CDH13: variants seen among roughly 807,000 people sequenced by gnomAD.
CDH13 encodes the protein cadherin-13.
Under a neutral mutation model 63.8 loss-of-function variants are expected in CDH13, and 24 were observed. The ratio of observed to expected loss-of-function variants is 0.38; its 90% CI spans 0.27 to 0.53. The LOEUF is 0.53. CDH13 is among the 20% of genes least tolerant of loss of function. The pLI is 0.85. For synonymous variants in CDH13, 503 were observed against 355.3 expected, an observed-to-expected ratio of 1.42 and a Z score of -4.67; for missense variants, 1,049 against 903.1, an observed-to-expected ratio of 1.16 and a Z score of -2.07.
intron 5 of CDH13, among the ~76,000 whole-genome samples, chr16:83,264,615 CT>C (rs1314978051): frequency 6.6e-6 from 1 of 151,328 alleles, no homozygotes; most frequent in Non-Finnish European, 1.5e-5. Context: ...AATGCAATAA[CT>C]TTTAAGGTTC....
chr16:82,854,029 G>A (rs1476605760), intron 1 of CDH13, among the ~76,000 whole-genome samples: 3 of 152,234 alleles, frequency 2.0e-5, no homozygotes, highest in African/African-American at 7.2e-5. Context: ...CCTTACCAAA[G>A]TTACTGTGAA....
intron 6 of CDH13, among the ~76,000 whole-genome samples, chr16:83,380,428 A>C (rs1166945922): frequency 6.6e-6 from 1 of 152,130 alleles, no homozygotes; most frequent in East Asian, 1.9e-4. Flanking sequence ...GCTATTTTTT[A>C]TTTGAAGATA....
chr16:83,647,468 T>C (rs1447142872), intron 8 of CDH13, among the ~76,000 whole-genome samples: 2 of 152,206 alleles, frequency 1.3e-5, no homozygotes, highest in African/African-American at 4.8e-5. Flanking sequence ...GCAATGATGC[T>C]AGATGTTGGC....
intron 1 of CDH13, among the ~76,000 whole-genome samples, chr16:82,811,711 T>C (rs559025785): frequency 6.6e-6 from 1 of 152,002 alleles, no homozygotes; most frequent in Admixed American, 6.6e-5. Context: ...TGTATTCCAG[T>C]GAGGAGATGG....
intron 1 of CDH13, among the ~76,000 whole-genome samples, chr16:82,836,295 C>T (rs1184399290): frequency 1.3e-5 from 2 of 151,990 alleles, no homozygotes; most frequent in African/African-American, 4.8e-5. Flanking sequence ...ATTACAGGTG[C>T]CCACCACCAC....
chr16:83,014,756 A>ATATATATATATATATATG (rs1914539221), intron 2 of CDH13, among the ~76,000 whole-genome samples: 1 of 46,222 alleles, frequency 2.2e-5, no homozygotes, highest in Non-Finnish European at 4.5e-5. Flanking sequence ...ATATATATAT[A>ATATATATATATATATATG]TATATATATA....
At chr16:82,985,984 A>G (rs1046210602) in intron 2 of CDH13, among the ~76,000 whole-genome samples, 2 of 152,146 alleles carry the variant, frequency 1.3e-5, no homozygotes, top group Admixed American at 6.5e-5. Context: ...CAGAGCAGAC[A>G]TTGGCATCAT....
intron 7 of CDH13, among the ~76,000 whole-genome samples, chr16:83,520,629 G>C (rs1384752911): frequency 6.6e-6 from 1 of 152,198 alleles, no homozygotes; most frequent in Non-Finnish European, 1.5e-5. Context: ...TTTTGCGGAA[G>C]TGTTTATGTT....
chr16:82,930,712 A>G (rs1269858733), intron 2 of CDH13, among the ~76,000 whole-genome samples: 2 of 152,188 alleles, frequency 1.3e-5, no homozygotes, highest in East Asian at 1.9e-4. Flanking sequence ...ATGATATTAA[A>G]CTAAGCACTT....
Position 83,798,911 on chromosome 16 carries a change from C to G in CDH13, c.*3881C>G, listed in dbSNP as rs955341436. 2 of 151,864 alleles carry G rather than the reference C, an allele frequency of 1.3e-5. No homozygotes were observed. The highest frequency in any genetic ancestry group is 4.8e-5 in the African/African-American group (2 of 41,342). 9.4% of individuals were successfully genotyped at this position (151,864 alleles called of 1,614,324 possible). ...CATCGTTCTAAATTAATATTGAGACCTTAGAAATTTTTCCTGTGCAAGATA... is the reference window on the plus strand; with the variant it reads ...CATCGTTCTAAATTAATATTGAGACGTTAGAAATTTTTCCTGTGCAAGATA... On this transcript the variant is annotated 3_prime_UTR_variant, in exon 14 of 14. Transcript: ENST00000567109.
intron 2 of CDH13, among the ~76,000 whole-genome samples, chr16:82,970,054 A>G (rs909165567): frequency 6.6e-6 from 1 of 152,024 alleles, no homozygotes; most frequent in African/African-American, 2.4e-5. Flanking sequence ...CGTCATCTAC[A>G]TTAGGTATTT....
At chr16:83,354,320 T>G (rs1200972558) in intron 6 of CDH13, among the ~76,000 whole-genome samples, 1 of 152,200 alleles carries the variant, frequency 6.6e-6, no homozygotes, top group African/African-American at 2.4e-5. Context: ...CATTAAACAT[T>G]TATAATTTCG....
At chr16:83,267,360 T>C (rs768097685) in intron 5 of CDH13, among the ~76,000 whole-genome samples, 2 of 152,124 alleles carry the variant, frequency 1.3e-5, no homozygotes, top group Non-Finnish European at 2.9e-5. Context: ...ATTCACTCCA[T>C]GTATGCAGAA....
At chr16:83,299,802 T>G (rs1039286907) in intron 5 of CDH13, among the ~76,000 whole-genome samples, 1 of 152,200 alleles carries the variant, frequency 6.6e-6, no homozygotes, top group Non-Finnish European at 1.5e-5. Context: ...ATCCCAACAC[T>G]TAGTGGCTGA....
chr16:83,744,954 G>A (rs1912431917), intron 10 of CDH13, among the ~76,000 whole-genome samples: 1 of 152,192 alleles, frequency 6.6e-6, no homozygotes, highest in Non-Finnish European at 1.5e-5. Flanking sequence ...TGGCACCAGA[G>A]ATCCAGCCTG....
chr16:83,448,351 C>T (rs994199761), intron 6 of CDH13, among the ~76,000 whole-genome samples: 1 of 152,070 alleles, frequency 6.6e-6, no homozygotes, highest in Admixed American at 6.6e-5. Context: ...ATCCAAGATA[C>T]CAACTTCAGC....
At chr16:83,361,251 A>T (rs538695586) in intron 6 of CDH13, among the ~76,000 whole-genome samples, 24 of 152,274 alleles carry the variant, frequency 1.6e-4, no homozygotes, top group Middle Eastern at 6.8e-3. Flanking sequence ...GTGTCTGTTC[A>T]TGCCTTTGCC....
chr16:83,000,767 G>A (rs979899477), intron 2 of CDH13, among the ~76,000 whole-genome samples: 9 of 151,864 alleles, frequency 5.9e-5, no homozygotes, highest in African/African-American at 1.7e-4. Flanking sequence ...TTTTAGTAGA[G>A]ACAGGGTTTC....
At chr16:83,390,835 C>T (rs2091771775) in intron 6 of CDH13, among the ~76,000 whole-genome samples, 1 of 152,106 alleles carries the variant, frequency 6.6e-6, no homozygotes, top group African/African-American at 2.4e-5. Flanking sequence ...AAGGAAGAGC[C>T]TCAACTCAGG....
Sources: gnomAD v4.1 joint callset for allele counts (sites outside exome capture counted in the v4.1 genomes callset) on GRCh38, gnomAD v4.1.1 for gene constraint, MANE v1.5 for transcripts, NCBI Gene and HGNC (gene_info 2026-07-23, HGNC 2026-07-21) for gene names.